Variants in TRIL observed in about 807,000 individuals in gnomAD.
The protein encoded by TRIL is TLR4 interactor with leucine rich repeats.
A neutral mutation model predicts 43.0 loss-of-function variants in TRIL; 23 were observed. The ratio of observed to expected loss-of-function variants is 0.54; its 90% CI spans 0.39 to 0.76. The LOEUF (loss-of-function observed/expected upper bound fraction) is 0.76, where lower values mean the gene tolerates loss of function less well. Among genes scored for constraint, TRIL ranks in the 30% least tolerant of loss-of-function variants. The probability of loss-of-function intolerance (pLI) is 0.00; values close to 1 mark genes in which losing one functional copy is unlikely to be tolerated. For synonymous variants in TRIL, 602 were observed against 556.8 expected, an observed-to-expected ratio of 1.08 and a Z score of -1.14; for missense variants, 1,114 against 1,139.3, an observed-to-expected ratio of 0.98 and a Z score of 0.32.
rs2128114321 is a variant in TRIL, at chr7:28,956,461, T to C, written c.1586A>G (p.Glu529Gly). The change falls in exon 1 of 1, where the codon GAG (glutamate) becomes GGG (glycine). Residue 529 changes from glutamate (E) to glycine (G), a missense_variant. Physicochemically the swap from Glu to Gly is moderately conservative, Grantham distance 98. Transcript: ENST00000539664. The stretch of plus-strand genomic sequence containing the variant: ...GCCAGGAGAGGCCGTTGGGGTGGGC[T>C]CCGCGAGGGCGGGATCTGCCCGAGT... ...RPTRADPALA[E>G]PTPTASPGSA... The C allele has an allele frequency of 1.3e-6, 2 of 1,548,118 alleles. No homozygotes were observed. Among genetic ancestry groups the C allele is most frequent in the Non-Finnish European group, 8.7e-7 (1 of 1,154,276 alleles).
chr7:28,956,240 G>T lies in TRIL; in HGVS notation c.1807C>A (p.Arg603Ser). The T allele has an allele frequency of 6.5e-7, 1 of 1,549,660 alleles. No individual in the cohort carries two copies. Among genetic ancestry groups the T allele is most frequent in the Non-Finnish European group, 8.7e-7 (1 of 1,150,028 alleles). The change falls in exon 1 of 1, where the codon CGC becomes AGC. Residue 603 changes from arginine to serine, a missense_variant. Physicochemically the swap from Arg to Ser is moderately radical, Grantham distance 110 (BLOSUM62 -1). Coordinates refer to ENST00000539664, the MANE Select transcript of TRIL (RefSeq NM_014817.4). ...EAVGADSASV[R>S]WAVREHRSPR... ...CTGCGGTGCTCGCGCACGGCCCAGC[G>T]CACCGAGGCGCTGTCTGCGCCCACC... is the stretch of plus-strand genomic sequence containing the variant.
chr7:28,958,166 G>A lies in TRIL; in HGVS notation c.-120C>T. ...AATGGCCTCTTTCGGACTTCGCAGC[G>A]CCGTCCAGCCCCTCCTCCGTCCTTT... is the stretch of plus-strand genomic sequence containing the variant. On this transcript the variant is annotated 5_prime_UTR_variant, in exon 1 of 1. Coordinates refer to ENST00000539664, the MANE Select transcript of TRIL (RefSeq NM_014817.4). The A allele has an allele frequency of 7.5e-7, 1 of 1,326,274 alleles. No homozygotes were observed. The highest frequency in any genetic ancestry group is 1.0e-6 in the Non-Finnish European group (1 of 1,003,808). 82.2% of individuals were successfully genotyped at this position (1,326,274 alleles called of 1,614,324 possible).
rs2128114436 is a variant in TRIL at position 28,956,987 on chromosome 7, G to A, written c.1060C>T (p.Leu354=). The change falls in exon 1 of 1, where the codon CTG becomes TTG. Residue 354 remains leucine, a synonymous_variant. Coordinates refer to ENST00000539664, the MANE Select transcript of TRIL (RefSeq NM_014817.4). ...GTCCAGCCGTTGCCGTCTAGATCCA[G>A]CCGATAAAGGGCTGGGCTGGCGGCG... ...IFAASPALYR[L]DLDGNGWTCD... The A allele has an allele frequency of 1.3e-6, 2 of 1,584,032 alleles. No individual in the cohort carries two copies. Among genetic ancestry groups the A allele is most frequent in the Admixed American group, 1.8e-5 (1 of 56,530 alleles).
chr7:28,956,975 C>A lies in TRIL; in HGVS notation c.1072G>T (p.Gly358Cys), dbSNP rs1207874028. Residue 358 changes from glycine (G) to cysteine (C), a missense_variant, in exon 1 of 1, where the codon GGC (glycine) becomes TGC (cysteine). Coordinates refer to ENST00000539664, the MANE Select transcript of TRIL (RefSeq NM_014817.4). ...SPALYRLDLD[G>C]NGWTCDCRLR... Reference sequence around the variant, plus strand: ...CGGCAGTCGCAGGTCCAGCCGTTGCCGTCTAGATCCAGCCGATAAAGGGCT... The same window carrying A: ...CGGCAGTCGCAGGTCCAGCCGTTGCAGTCTAGATCCAGCCGATAAAGGGCT... 1.3e-6 allele frequency: 2 copies of A among 1,582,752 alleles called. No individual in the cohort carries two copies. The highest frequency in any genetic ancestry group is 1.3e-5 in the African/African-American group (1 of 74,268).
rs1413189846 is a variant in TRIL at position 28,955,923 on chromosome 7, C to T, written c.2124G>A (p.Leu708=). 2 of 1,552,982 alleles carry T rather than the reference C, an allele frequency of 1.3e-6. No individual in the cohort carries two copies. Among genetic ancestry groups the T allele is most frequent in the South Asian group, 1.2e-5 (1 of 84,298 alleles). Residue 708 remains leucine, a synonymous_variant, in exon 1 of 1, where the codon CTG becomes CTA. Coordinates refer to ENST00000539664, the MANE Select transcript of TRIL (RefSeq NM_014817.4). ...LTLALLTVNA[L]LVLLALAAWA... Reference sequence around the variant, plus strand: ...AGGCCGCCAAGGCCAGGAGCACCAGCAGCGCGTTGACCGTCAGCAGGGCCA... The same window carrying T: ...AGGCCGCCAAGGCCAGGAGCACCAGTAGCGCGTTGACCGTCAGCAGGGCCA...
At position 28,957,240 on chromosome 7, in the gene TRIL, C is replaced by G. The variant is rs1442809976; in HGVS notation, c.807G>C (p.Ala269=). The G allele has an allele frequency of 1.9e-6, 3 of 1,607,066 alleles. No homozygotes were observed. Among genetic ancestry groups the G allele is most frequent in the African/African-American group, 2.7e-5 (2 of 75,018 alleles). Reference sequence around the variant, plus strand: ...CCTCCAAGCCCCAAAAGGCCTCAGGCGCGAGGTGCGTGAGCTGGTTGCCCC... The same window carrying G: ...CCTCCAAGCCCCAAAAGGCCTCAGGGGCGAGGTGCGTGAGCTGGTTGCCCC... ...SLRGNQLTHL[A]PEAFWGLEAL... is the part of the protein sequence containing the mutation. Residue 269 remains alanine, a synonymous_variant, in exon 1 of 1, where the codon GCG becomes GCC. Transcript: ENST00000539664.
chr7:28,956,916 C>T lies in TRIL; in HGVS notation c.1131G>A (p.Trp377Ter). ...CAGTGAGGAGCCGGCCCTGCGAGTGCCAGTCGCCCATCCAGCGCTTCAGGC... is the reference window on the plus strand; with the variant it reads ...CAGTGAGGAGCCGGCCCTGCGAGTGTCAGTCGCCCATCCAGCGCTTCAGGC... Reference protein sequence around the residue: ...LRGLKRWMGDWHSQGRLLTVF... With the variant: ...LRGLKRWMGD Residue 377 changes from tryptophan to a stop codon, truncating the protein, a stop_gained, in exon 1 of 1, where the codon TGG (tryptophan) becomes TGA (stop). Coordinates refer to ENST00000539664, the MANE Select transcript of TRIL (RefSeq NM_014817.4). LOFTEE classifies it high-confidence loss of function. The T allele has an allele frequency of 6.2e-7, 1 of 1,606,438 alleles. No homozygotes were observed. Among genetic ancestry groups the T allele is most frequent in the Admixed American group, 1.7e-5 (1 of 59,552 alleles).
In TRIL at chr7:28,958,028, A is replaced by G. The variant is rs777925831; in HGVS notation, c.19T>C (p.Leu7=). 1 of 1,556,300 alleles carries G rather than the reference A, an allele frequency of 6.4e-7. No homozygotes were observed. The highest frequency in any genetic ancestry group is 1.2e-5 in the South Asian group (1 of 84,386). The stretch of plus-strand genomic sequence containing the variant: ...CCGCACACCACGAGCAGGAGGCGCA[A>G]GGCGCGGGCAGCCTCCATCGCCTCC... MEAARA[L]RLLLVVCGCL... Residue 7 remains leucine, a synonymous_variant, in exon 1 of 1, where the codon TTG becomes CTG. Coordinates refer to ENST00000539664, the MANE Select transcript of TRIL (RefSeq NM_014817.4).
chr7:28,957,378 G>A lies in TRIL; in HGVS notation c.669C>T (p.Ala223=), dbSNP rs1385543508. The A allele has an allele frequency of 6.2e-7, 1 of 1,613,446 alleles. No individual in the cohort carries two copies. Among genetic ancestry groups the A allele is most frequent in the South Asian group, 1.1e-5 (1 of 91,088 alleles). ...AGAGGGAGCGCAGCGGTGCGAAGGT[G>A]GCCGCGTGGCGCAGGGAGGGCTGTA... The part of the protein sequence containing the change: ...NELQPSLRHA[A]TFAPLRSLSS... Residue 223 remains alanine, a synonymous_variant, in exon 1 of 1, where the codon GCC becomes GCT. Transcript: ENST00000539664.
Position 28,957,137 on chromosome 7 carries a change from C to T in TRIL, c.910G>A (p.Glu304Lys), listed in dbSNP as rs1783418167. The change falls in exon 1 of 1, where the codon GAG becomes AAG. Residue 304 changes from glutamate (E) to lysine (K), a missense_variant. By Grantham distance (56) the Glu-to-Lys change is moderately conservative (BLOSUM62 1). Coordinates refer to ENST00000539664, the MANE Select transcript of TRIL (RefSeq NM_014817.4). ...TALLEPLHSL[E>K]ALDLSGNELS... The stretch of plus-strand genomic sequence containing the variant: ...TCATTGCCGCTCAGGTCCAGCGCCT[C>T]CAGGCTGTGCAGAGGCTCCAGCAGC... 6.3e-7 allele frequency: 1 copy of T among 1,583,158 alleles called. No homozygotes were observed. Among genetic ancestry groups the T allele is most frequent in the Non-Finnish European group, 8.6e-7 (1 of 1,167,776 alleles).
In TRIL at chr7:28,954,417, G is replaced by A. The variant is rs1440041013; in HGVS notation, c.*1194C>T. 6.6e-6 allele frequency: 1 copy of A among 152,518 alleles called. No homozygotes were observed. The highest frequency in any genetic ancestry group is 2.4e-5 in the African/African-American group (1 of 41,416). The allele number at this position is 152,518 out of a possible 1,614,324, so 9.4% of individuals were successfully genotyped here. On this transcript the variant is annotated 3_prime_UTR_variant, in exon 1 of 1. Coordinates refer to ENST00000539664, the MANE Select transcript of TRIL (RefSeq NM_014817.4). Reference sequence around the variant, plus strand: ...GTTTAAGTACTCATAACAATCTTCTGGTTTTAGTAGAACAGATACCCACTG... The same window carrying A: ...GTTTAAGTACTCATAACAATCTTCTAGTTTTAGTAGAACAGATACCCACTG...
At position 28,957,033 on chromosome 7, in the gene TRIL, G is replaced by T. The variant is rs1783415811; in HGVS notation, c.1014C>A (p.Ser338Arg). The change falls in exon 1 of 1, where the codon AGC becomes AGA. Residue 338 changes from serine (S) to arginine (R), a missense_variant. Ser to Arg is a moderately radical substitution (Grantham distance 110, BLOSUM62 -1). Transcript: ENST00000539664. The stretch of plus-strand genomic sequence containing the variant: ...CGGCGAAGATGTCCCCGGATAGGGC[G>T]CTGAGCGCGTTGTTGCGCAGGCTGA... ...RELSLRNNAL[S>R]ALSGDIFAAS... 1.3e-6 allele frequency: 2 copies of T among 1,580,832 alleles called. No homozygotes were observed. Among genetic ancestry groups the T allele is most frequent in the Non-Finnish European group, 1.7e-6 (2 of 1,166,242 alleles).
rs1402697063 is a variant in TRIL, at chr7:28,955,717, G to A, written c.2330C>T (p.Ala777Val). The change falls in exon 1 of 1, where the codon GCG (alanine) becomes GTG (valine). Residue 777 changes from alanine (A) to valine (V), a missense_variant. By Grantham distance (64) the Ala-to-Val change is moderately conservative (BLOSUM62 0). Coordinates refer to ENST00000539664, the MANE Select transcript of TRIL (RefSeq NM_014817.4). ...GTCGCAGGGGAATTCGATGAGGTCC[G>A]CCTCACTGAGCGCGCACACGGTGGT... is the stretch of plus-strand genomic sequence containing the variant. ...PRTTVCALSE[A>V]DLIEFPCDRF... is the part of the protein sequence containing the mutation. 6.5e-7 allele frequency: 1 copy of A among 1,550,082 alleles called. No individual in the cohort carries two copies. The highest frequency in any genetic ancestry group is 1.4e-5 in the African/African-American group (1 of 73,064).
chr7:28,953,852 C>A lies in TRIL; in HGVS notation c.*1759G>T. On this transcript the variant is annotated 3_prime_UTR_variant, in exon 1 of 1. Coordinates refer to ENST00000539664, the MANE Select transcript of TRIL (RefSeq NM_014817.4). ...TACTCATTTGAACATAAACAACGAT[C>A]AGCTCATTCAGATGGCTGGTTCCCT... 1 of 152,596 alleles carries A rather than the reference C, an allele frequency of 6.6e-6. No homozygotes were observed. The allele number at this position is 152,596 out of a possible 1,614,324, so 9.5% of individuals were successfully genotyped here. A position where few individuals can be genotyped will look rare whatever the true frequency, so the allele number is the denominator to read the frequency against.
Position 28,957,486 on chromosome 7 carries a change from C to T in TRIL, c.561G>A (p.Glu187=), listed in dbSNP as rs922973830. 4 of 1,613,190 alleles carry T rather than the reference C, an allele frequency of 2.5e-6. No homozygotes were observed. The highest frequency in any genetic ancestry group is 1.7e-5 in the Admixed American group (1 of 60,002). Reference sequence around the variant, plus strand: ...TGCCCAGAAAGCGGATCCGGTTGGACTCCAGATGTAGGTAGAGCAGGTTGC... The same window carrying T: ...TGCCCAGAAAGCGGATCCGGTTGGATTCCAGATGTAGGTAGAGCAGGTTGC... ...PLGNLLYLHL[E]SNRIRFLGKN... is the part of the protein sequence containing the mutation. Residue 187 remains glutamate (E), a synonymous_variant, in exon 1 of 1, where the codon GAG becomes GAA. Transcript: ENST00000539664.
rs1294857813 is a variant in TRIL, at chr7:28,954,974, A to G, written c.*637T>C. ...TCCAACTAAAACAGTCCTTGAGTCT[A>G]TTGGTCAGTTCGTTAAATGTCAGAG... On this transcript the variant is annotated 3_prime_UTR_variant, in exon 1 of 1. Transcript: ENST00000539664. 6.6e-6 allele frequency: 1 copy of G among 151,768 alleles called. No individual in the cohort carries two copies. Among genetic ancestry groups the G allele is most frequent in the Non-Finnish European group, 1.5e-5 (1 of 67,992 alleles). 9.4% of individuals were successfully genotyped at this position (151,768 alleles called of 1,614,324 possible).
In TRIL at chr7:28,957,206, C is replaced by T; in HGVS notation, c.841G>A (p.Glu281Lys). 6.2e-7 allele frequency: 1 copy of T among 1,602,402 alleles called. No homozygotes were observed. The highest frequency in any genetic ancestry group is 2.2e-5 in the East Asian group (1 of 44,706). Reference protein sequence around the residue: ...EAFWGLEALRELRLEGNRLSQ... With the variant: ...EAFWGLEALRKLRLEGNRLSQ... ...AGCCGATTACCCTCCAGGCGCAGCT[C>T]GCGCAGGGCCTCCAAGCCCCAAAAG... Residue 281 changes from glutamate (E) to lysine (K), a missense_variant, in exon 1 of 1, where the codon GAG becomes AAG. Physicochemically the swap from Glu to Lys is moderately conservative, Grantham distance 56. Transcript: ENST00000539664.
rs1482570493 is a variant in TRIL, at chr7:28,954,775, CT to C, written c.*835del. The C allele has an allele frequency of 4.6e-5, 7 of 152,238 alleles. No homozygotes were observed. Among genetic ancestry groups the C allele is most frequent in the Admixed American group, 2.6e-4 (4 of 15,292 alleles). The allele number at this position is 152,238 out of a possible 1,614,324, so 9.4% of individuals were successfully genotyped here. ...TTATCAAATCTGGCATTGAAATTTC[CT>C]TTTCCATATATAGGTTTAAAAAAAT... On this transcript the variant is annotated 3_prime_UTR_variant, in exon 1 of 1. Transcript: ENST00000539664.
In TRIL at chr7:28,957,243, G is replaced by C. The variant is rs551673314; in HGVS notation, c.804C>G (p.Leu268=). 4 of 1,607,642 alleles carry C rather than the reference G, an allele frequency of 2.5e-6. No individual in the cohort carries two copies. In the Middle Eastern group the frequency reaches 5.0e-4, roughly 201 times the overall value. The stretch of plus-strand genomic sequence containing the variant: ...CCAAGCCCCAAAAGGCCTCAGGCGC[G>C]AGGTGCGTGAGCTGGTTGCCCCTGA... The part of the protein sequence containing the change: ...LSLRGNQLTH[L]APEAFWGLEA... The change falls in exon 1 of 1, where the codon CTC becomes CTG. Residue 268 remains leucine, a synonymous_variant. Coordinates refer to ENST00000539664, the MANE Select transcript of TRIL (RefSeq NM_014817.4).
Sources: gnomAD v4.1 joint callset for allele counts on GRCh38, gnomAD v4.1.1 for gene constraint, MANE v1.5 for transcripts, NCBI Gene and HGNC (gene_info 2026-07-23, HGNC 2026-07-21) for gene names.